The following CADM1 variants were observed in gnomAD, a reference collection of about 807,000 sequenced individuals.
The protein encoded by CADM1 is TSLC-1.
A neutral mutation model predicts 53.1 loss-of-function variants in CADM1; 15 were observed. That is an observed-to-expected ratio of 0.28 (90% CI 0.19 to 0.44). The LOEUF (loss-of-function observed/expected upper bound fraction) is 0.44. Among genes scored for constraint, CADM1 ranks in the 20% least tolerant of loss-of-function variants. The pLI is 1.00. For synonymous variants in CADM1, 281 were observed against 243.0 expected (o/e 1.16, Z -1.45); for missense variants, 434 against 611.3 (o/e 0.71, Z 3.06).
At chr11:115,419,681 G>A (rs1032681640) in intron 1 of CADM1, among the ~76,000 whole-genome samples, 22 of 152,130 alleles carry the variant, frequency 1.4e-4, no homozygotes, top group South Asian at 2.1e-4. Context: ...CCGTGAACCC[G>A]AAAATGAGCC....
chr11:115,431,235 G>A (rs1435787728), intron 1 of CADM1, among the ~76,000 whole-genome samples: 1 of 152,092 alleles, frequency 6.6e-6, no homozygotes, highest in Admixed American at 6.5e-5. Flanking sequence ...TTTAATGTCG[G>A]TATGTCATTT....
chr11:115,470,093 AAAT>A (rs1425879344), intron 1 of CADM1, among the ~76,000 whole-genome samples: 2 of 152,252 alleles, frequency 1.3e-5, no homozygotes, highest in Admixed American at 6.5e-5. Context: ...AGCAAAATAA[AAAT>A]AATAGTAATG....
intron 1 of CADM1, among the ~76,000 whole-genome samples, chr11:115,440,602 A>G (rs1948287628): frequency 6.6e-6 from 1 of 152,206 alleles, no homozygotes; most frequent in Non-Finnish European, 1.5e-5. Context: ...AAGTACACAC[A>G]GACAGCTAAG....
intron 1 of CADM1, among the ~76,000 whole-genome samples, chr11:115,468,105 T>C (rs1236389609): frequency 1.3e-5 from 2 of 152,216 alleles, no homozygotes; most frequent in Admixed American, 6.5e-5. Context: ...ACAAGAAAGA[T>C]AAGTAAACTG....
At chr11:115,426,702 G>T (rs1036770932) in intron 1 of CADM1, among the ~76,000 whole-genome samples, 1 of 151,306 alleles carries the variant, frequency 6.6e-6, no homozygotes, top group Non-Finnish European at 1.5e-5. Flanking sequence ...ACCCTCCCCT[G>T]CTTCCCCCTT....
chr11:115,401,540 G>A (rs898172892), intron 1 of CADM1, among the ~76,000 whole-genome samples: 7 of 152,044 alleles, frequency 4.6e-5, no homozygotes, highest in Non-Finnish European at 7.4e-5. Context: ...CCCGGGAGGC[G>A]GAGGTTGCAG....
intron 8 of CADM1, among the ~76,000 whole-genome samples, chr11:115,199,202 C>T (rs970716893): frequency 7.9e-5 from 12 of 152,292 alleles, no homozygotes; most frequent in African/African-American, 2.6e-4. Flanking sequence ...CAAGTTCACA[C>T]AATCTGCCAA....
intron 1 of CADM1, among the ~76,000 whole-genome samples, chr11:115,439,391 C>T (rs1244330750): frequency 2.6e-5 from 4 of 152,154 alleles, no homozygotes; most frequent in Non-Finnish European, 5.9e-5. Flanking sequence ...AGCTATCCCA[C>T]CCTGTTTTAG....
intron 5 of CADM1, 27 bp downstream of exon 5, chr11:115,229,086 C>T (rs1210210071): frequency 2.5e-6 from 4 of 1,612,690 alleles, no homozygotes; most frequent in Non-Finnish European, 2.5e-6. Context: ...ACTCTACGCC[C>T]TCAGAATAAG....
chr11:115,225,387 T>C (rs927735844), intron 5 of CADM1, among the ~76,000 whole-genome samples: 1 of 152,188 alleles, frequency 6.6e-6, no homozygotes, highest in African/African-American at 2.4e-5. Context: ...TTTATTTATG[T>C]TCAGAAATCT....
rs555329844 is a variant in CADM1, at chr11:115,313,992, C to T, written c.125-73572G>A. On this transcript the variant is annotated intron_variant, in intron 1 of 11. Transcript: ENST00000331581. Reference sequence around the variant, plus strand: ...TTGTAAATGTGAAGCTCTCTATCCTCACTAACACAATCCCAGAGAACTGCT... The same window carrying T: ...TTGTAAATGTGAAGCTCTCTATCCTTACTAACACAATCCCAGAGAACTGCT... Among the ~76,000 whole-genome samples the T allele has an allele frequency of 2.6e-5, 4 of 152,238 alleles. 1 individual carries two copies. The South Asian group carries it at 8.3e-4, about 32-fold the overall frequency.
intron 10 of CADM1, among the ~76,000 whole-genome samples, chr11:115,180,044 A>G (rs1939234188): frequency 6.6e-6 from 1 of 152,250 alleles, no homozygotes; most frequent in South Asian, 2.1e-4. Context: ...TGAAGCCTCT[A>G]CCTCTAATAA....
chr11:115,458,091 T>C (rs2135365927), intron 1 of CADM1, among the ~76,000 whole-genome samples: 1 of 147,948 alleles, frequency 6.8e-6, no homozygotes, highest in African/African-American at 2.5e-5. Context: ...GTGGAAGCAA[T>C]AAGCTGATGT....
At chr11:115,255,646 C>T (rs1238270377) in intron 1 of CADM1, among the ~76,000 whole-genome samples, 1 of 152,128 alleles carries the variant, frequency 6.6e-6, no homozygotes, top group Non-Finnish European at 1.5e-5. Flanking sequence ...ACTGGTGAAT[C>T]TTGGTGTAAT....
At chr11:115,185,755 G>A (rs1180981856) in intron 10 of CADM1, among the ~76,000 whole-genome samples, 1 of 152,212 alleles carries the variant, frequency 6.6e-6, no homozygotes, top group Non-Finnish European at 1.5e-5. Context: ...AAGGCACTGA[G>A]GATGACACCA....
intron 7 of CADM1, among the ~76,000 whole-genome samples, chr11:115,211,660 T>TTC (rs1000954130): frequency 6.6e-6 from 1 of 150,482 alleles, no homozygotes; most frequent in Non-Finnish European, 1.5e-5. Flanking sequence ...TTGTATTTTT[T>TTC]TTTTTTTTTT....
intron 1 of CADM1, among the ~76,000 whole-genome samples, chr11:115,439,787 C>T (rs1209522453): frequency 5.9e-5 from 9 of 152,220 alleles, no homozygotes; most frequent in Admixed American, 5.9e-4. Context: ...AATATCTGCA[C>T]TGAGAACATG....
At chr11:115,314,173 G>A (rs1944600605) in intron 1 of CADM1, among the ~76,000 whole-genome samples, 1 of 151,654 alleles carries the variant, frequency 6.6e-6, no homozygotes, top group South Asian at 2.1e-4. Context: ...GCTCGTATTA[G>A]CAGAGGGAAA....
At chr11:115,476,457 T>G (rs958273831) in intron 1 of CADM1, among the ~76,000 whole-genome samples, 1 of 152,188 alleles carries the variant, frequency 6.6e-6, no homozygotes, top group Non-Finnish European at 1.5e-5. Context: ...AGGTTTATCT[T>G]AACTTAGAGG....
Sources: gnomAD v4.1 joint callset for allele counts (sites outside exome capture counted in the v4.1 genomes callset) on GRCh38, gnomAD v4.1.1 for gene constraint, MANE v1.5 for transcripts, NCBI Gene and HGNC (gene_info 2026-07-23, HGNC 2026-07-21) for gene names.